Variants in HIRA observed in about 807,000 individuals in gnomAD.
The protein encoded by HIRA is histone cell cycle regulator, also known as protein HIRA.
HIRA carries 13 observed loss-of-function variants against 126.6 expected under a neutral mutation model. That is an observed-to-expected ratio of 0.10 (90% CI 0.07 to 0.16). The LOEUF is 0.16. Among genes scored for constraint, HIRA ranks in the 10% least tolerant of loss-of-function variants. The pLI, the probability that HIRA is intolerant of heterozygous loss-of-function variation, is 1.00. For synonymous variants in HIRA, 511 were observed against 520.0 expected, an observed-to-expected ratio of 0.98 and a Z score of 0.24; for missense variants, 834 against 1,314.4, an observed-to-expected ratio of 0.63 and a Z score of 5.65.
chr22:19,341,000 A>G (rs1448272454), intron 24 of HIRA, among the ~76,000 whole-genome samples: 1 of 152,226 alleles, frequency 6.6e-6, no homozygotes, highest in African/African-American at 2.4e-5. Context: ...TCACAGAACT[A>G]GAAAAAACAA....
At chr22:19,411,171 G>A (rs1463229178) in intron 1 of HIRA, among the ~76,000 whole-genome samples, 2 of 152,228 alleles carry the variant, frequency 1.3e-5, no homozygotes, top group Admixed American at 1.3e-4. Context: ...CAGGACCAGC[G>A]CTGGCTGCAA....
Position 19,422,870 on chromosome 22 carries a change from G to A in HIRA, c.37+8570C>T, listed in dbSNP as rs556402762. On this transcript the variant is annotated intron_variant, in intron 1 of 24. Coordinates refer to ENST00000263208, the MANE Select transcript of HIRA (RefSeq NM_003325.4). ...TGGAAGCACTCTTTTGGCAGGGTCA[G>A]GTCTCCTTTCCAAAAGAGCCTATAT... Among the ~76,000 whole-genome samples, 18 of 152,242 alleles carry A rather than the reference G, an allele frequency of 1.2e-4. No individual in the cohort carries two copies. The South Asian group carries it at 3.7e-3, about 32-fold the overall frequency.
intron 8 of HIRA, among the ~76,000 whole-genome samples, chr22:19,394,066 C>A (rs2089203732): frequency 6.6e-6 from 1 of 152,140 alleles, no homozygotes. Context: ...CAGAATTGTA[C>A]CTGTATTCAC....
intron 8 of HIRA, among the ~76,000 whole-genome samples, chr22:19,392,593 G>A (rs2089191852): frequency 6.6e-6 from 1 of 152,214 alleles, no homozygotes; most frequent in Non-Finnish European, 1.5e-5. Context: ...GCCTGCAAGG[G>A]GGCTTCAGAA....
chr22:19,353,119 G>A (rs567196213), intron 23 of HIRA, among the ~76,000 whole-genome samples: 13 of 152,312 alleles, frequency 8.5e-5, no homozygotes, highest in South Asian at 8.3e-4. Flanking sequence ...CTATTCCTCC[G>A]TCCTGCTGCC....
intron 5 of HIRA, among the ~76,000 whole-genome samples, chr22:19,403,654 T>G (rs533806179): frequency 6.6e-6 from 1 of 152,162 alleles, no homozygotes; most frequent in Non-Finnish European, 1.5e-5. Context: ...TCAAGTGTTA[T>G]TATATTTACT....
At chr22:19,405,634 G>C in intron 5 of HIRA, 152 bp downstream of exon 5, 6 of 861,202 alleles carry the variant, frequency 7.0e-6, no homozygotes, top group Non-Finnish European at 9.4e-6. Flanking sequence ...GATCTTAAGG[G>C]ACAGGCAGGG....
chr22:19,404,840 C>T (rs2089295744), intron 5 of HIRA, among the ~76,000 whole-genome samples: 2 of 152,180 alleles, frequency 1.3e-5, no homozygotes, highest in Admixed American at 1.3e-4. Flanking sequence ...CTATCTCATA[C>T]CTCTCTGTGC....
At chr22:19,378,141 T>A in intron 13 of HIRA, 75 bp from the exon 14 acceptor site, 1 of 1,144,412 alleles carries the variant, frequency 8.7e-7, no homozygotes, top group Non-Finnish European at 1.2e-6. Context: ...TTCAAATAAC[T>A]TTTTTCTAGG....
Position 19,353,425 on chromosome 22 carries a change from G to T in HIRA, c.2779C>A (p.Leu927Ile). The change falls in exon 23 of 25, where the codon CTC (leucine) becomes ATC (isoleucine). Residue 927 changes from leucine (L) to isoleucine (I), a missense_variant. Physicochemically the swap from Leu to Ile is conservative, Grantham distance 5. This residue lies in a region of HIRA where 468 missense variants were observed against 574.2 expected (regional missense o/e 0.82). Coordinates refer to ENST00000263208, the MANE Select transcript of HIRA (RefSeq NM_003325.4). ...TACTCGTGGCTGGACTGCAGGGTGAGTGCTGCTGCCACCTGGTTCTCTAGG... is the reference window on the plus strand; with the variant it reads ...TACTCGTGGCTGGACTGCAGGGTGATTGCTGCTGCCACCTGGTTCTCTAGG... ...AYLENQVAAA[L>I]TLQSSHEYRH... 6.2e-7 allele frequency: 1 copy of T among 1,613,092 alleles called. No homozygotes were observed. Among genetic ancestry groups the T allele is most frequent in the Non-Finnish European group, 8.5e-7 (1 of 1,179,944 alleles).
intron 24 of HIRA, among the ~76,000 whole-genome samples, chr22:19,339,038 G>A (rs567167164): frequency 6.6e-6 from 1 of 152,242 alleles, no homozygotes; most frequent in South Asian, 2.1e-4. Context: ...CTCCAAGAAA[G>A]ACCATATGAT....
Position 19,387,814 on chromosome 22 carries a change from G to C in HIRA, c.1010C>G (p.Thr337Ser). The C allele has an allele frequency of 1.2e-6, 2 of 1,610,618 alleles. No individual in the cohort carries two copies. Among genetic ancestry groups the C allele is most frequent in the Non-Finnish European group, 1.7e-6 (2 of 1,178,340 alleles). The change falls in exon 11 of 25, where the codon ACT becomes AGT. Residue 337 changes from threonine to serine, a missense_variant and splice_region_variant. Coordinates refer to ENST00000263208, the MANE Select transcript of HIRA (RefSeq NM_003325.4). ...FDKSIMDISW[T>S]LNGLGILVCS... Reference sequence around the variant, plus strand: ...TACCAAGATGCCCAGCCCATTCAGAGTCCTGAAAGACATGGCCATCAGCAG... The same window carrying C: ...TACCAAGATGCCCAGCCCATTCAGACTCCTGAAAGACATGGCCATCAGCAG...
In HIRA at chr22:19,331,234, T is replaced by C. The variant is rs1556004465; in HGVS notation, c.*206A>G. ...CGCATCGGGGGCTTGGAGGGAGGGA[T>C]GAGCTTCCCCCTCCTGAGGCAATGT... is the stretch of plus-strand genomic sequence containing the variant. On this transcript the variant is annotated 3_prime_UTR_variant, in exon 25 of 25. Coordinates refer to ENST00000263208, the MANE Select transcript of HIRA (RefSeq NM_003325.4). 6.7e-7 allele frequency: 1 copy of C among 1,489,504 alleles called. No individual in the cohort carries two copies. Among genetic ancestry groups the C allele is most frequent in the East Asian group, 2.7e-5 (1 of 37,132 alleles). 92.3% of individuals were successfully genotyped at this position (1,489,504 alleles called of 1,614,324 possible).
At chr22:19,381,635 A>G (rs2089074296) in intron 13 of HIRA, among the ~76,000 whole-genome samples, 1 of 152,230 alleles carries the variant, frequency 6.6e-6, no homozygotes, top group Non-Finnish European at 1.5e-5. Flanking sequence ...TCACTTGGTC[A>G]TGGTATATTA....
chr22:19,340,563 G>C (rs1281212585), intron 24 of HIRA, among the ~76,000 whole-genome samples: 1 of 152,094 alleles, frequency 6.6e-6, no homozygotes, highest in Non-Finnish European at 1.5e-5. Context: ...AATATGTAAA[G>C]GGGAAGTCAA....
intron 1 of HIRA, among the ~76,000 whole-genome samples, chr22:19,423,068 A>G (rs1034865448): frequency 6.6e-6 from 1 of 152,034 alleles, no homozygotes; most frequent in Non-Finnish European, 1.5e-5. Context: ...CACTCCTTCA[A>G]TGGTGTGGAT....
chr22:19,349,074 A>G (rs1210710), intron 24 of HIRA, among the ~76,000 whole-genome samples: 131,876 of 151,840 alleles, frequency 0.87, 58,495 homozygotes, highest in Non-Finnish European at 0.96. Flanking sequence ...ATGAGCCACC[A>G]CGCCTGGCCT....
chr22:19,420,702 A>C (rs1317555170), intron 1 of HIRA, among the ~76,000 whole-genome samples: 6 of 147,144 alleles, frequency 4.1e-5, no homozygotes, highest in Admixed American at 4.0e-4. Flanking sequence ...GCGACAAAGT[A>C]AGACCTTGTC....
At chr22:19,380,478 T>C (rs1234050105) in intron 13 of HIRA, among the ~76,000 whole-genome samples, 1 of 152,232 alleles carries the variant, frequency 6.6e-6, no homozygotes, top group Non-Finnish European at 1.5e-5. Context: ...TATCTACTCA[T>C]GTGTCAGTAT....
Sources: allele counts gnomAD v4.1 joint callset (sites outside exome capture counted in the v4.1 genomes callset), GRCh38; gene constraint gnomAD v4.1.1; regional missense constraint gnomAD v4.1.1; transcripts MANE v1.5; gene names NCBI Gene and HGNC (gene_info 2026-07-23, HGNC 2026-07-21).